The following TWF2 variants were observed in gnomAD, a reference collection of about 807,000 sequenced individuals.
TWF2 encodes twinfilin actin binding protein 2.
A neutral mutation model predicts 45.1 loss-of-function variants in TWF2; 15 were observed. The observed-to-expected ratio is 0.33, with a 90% confidence interval of 0.22 to 0.51. The LOEUF is 0.51. Ranked by LOEUF, TWF2 falls within the 20% of genes least tolerant of loss-of-function variation. The pLI, the probability that TWF2 is intolerant of heterozygous loss-of-function variation, is 0.97. For missense variants in TWF2, 423 were observed against 469.1 expected, an observed-to-expected ratio of 0.90 and a Z score of 0.91; for synonymous variants, 177 against 195.8, an observed-to-expected ratio of 0.90 and a Z score of 0.80.
rs971168655 is a variant in TWF2 at position 52,237,174 on chromosome 3, G to A, written c.25+1818C>T. 1.1e-4 allele frequency among the ~76,000 whole-genome samples: 17 copies of A among 152,208 alleles called. No individual in the cohort carries two copies. In the South Asian group the frequency reaches 2.5e-3, roughly 22 times the overall value. ...GACGGGCCCCTTCTAGTGTTACCAGGGCAAACTGACACCCCCACAGGGAAA... is the reference window on the plus strand; with the variant it reads ...GACGGGCCCCTTCTAGTGTTACCAGAGCAAACTGACACCCCCACAGGGAAA... On this transcript the variant is annotated intron_variant, in intron 1 of 8. Coordinates refer to ENST00000305533, the MANE Select transcript of TWF2 (RefSeq NM_007284.4).
At position 52,230,087 on chromosome 3, in the gene TWF2, GA is replaced by G; in HGVS notation, c.610-18del. 1 of 1,561,690 alleles carries G rather than the reference GA, an allele frequency of 6.4e-7. No homozygotes were observed. Among genetic ancestry groups the G allele is most frequent in the East Asian group, 2.3e-5 (1 of 43,770 alleles). ...GTCCAGCTTCTGCCCAGGGCCAAGGGAAGATGGGAGAGCACCAGGTCGGGGT... is the reference window on the plus strand; with the variant it reads ...GTCCAGCTTCTGCCCAGGGCCAAGGGAGATGGGAGAGCACCAGGTCGGGGT... On this transcript the variant is annotated intron_variant, in intron 6 of 8. Coordinates refer to ENST00000305533, the MANE Select transcript of TWF2 (RefSeq NM_007284.4).
chr3:52,232,157 G>T, intron 2 of TWF2, 35 bp from the exon 3 acceptor site: 1 of 1,488,272 alleles, frequency 6.7e-7, no homozygotes. Context: ...GCCGCTCCCA[G>T]CTCCCACTGC....
At chr3:52,229,350 C>T in intron 8 of TWF2, 149 bp from the exon 9 acceptor site, 1 of 1,233,626 alleles carries the variant, frequency 8.1e-7, no homozygotes, top group Middle Eastern at 2.8e-4. Context: ...CCTGGAATGC[C>T]ACTCCCAGGA....
At chr3:52,238,760 C>T (rs1372424065) in intron 1 of TWF2, among the ~76,000 whole-genome samples, 2 of 152,232 alleles carry the variant, frequency 1.3e-5, no homozygotes, top group Non-Finnish European at 2.9e-5. Context: ...TCCAGGTAGG[C>T]ACACAGATAC....
chr3:52,229,896 G>A, intron 7 of TWF2, 24 bp downstream of exon 7: 2 of 1,599,314 alleles, frequency 1.3e-6, no homozygotes, highest in Non-Finnish European at 1.7e-6. Flanking sequence ...CCACAGGCTT[G>A]GGAGCCCTGC....
At position 52,230,058 on chromosome 3, in the gene TWF2, C is replaced by G; in HGVS notation, c.622G>C (p.Glu208Gln). 1.9e-6 allele frequency: 3 copies of G among 1,592,548 alleles called. No individual in the cohort carries two copies. The highest frequency in any genetic ancestry group is 2.6e-6 in the Non-Finnish European group (3 of 1,171,102). ...TGCACCAGCTCAATGGTTTCCCGCTCTAGGTCCAGCTTCTGCCCAGGGCCA... is the reference window on the plus strand; with the variant it reads ...TGCACCAGCTCAATGGTTTCCCGCTGTAGGTCCAGCTTCTGCCCAGGGCCA... ...VNYIQMKLDL[E>Q]RETIELVHTE... Residue 208 changes from glutamate (E) to glutamine (Q), a missense_variant, in exon 7 of 9, where the codon GAG (glutamate) becomes CAG (glutamine). Coordinates refer to ENST00000305533, the MANE Select transcript of TWF2 (RefSeq NM_007284.4).
chr3:52,236,338 T>C (rs1042936211), intron 1 of TWF2, among the ~76,000 whole-genome samples: 4 of 149,968 alleles, frequency 2.7e-5, no homozygotes, highest in Non-Finnish European at 5.9e-5. Context: ...ATCTTGGTCA[T>C]TGGGCTGTAG....
Position 52,231,428 on chromosome 3 carries a change from C to T in TWF2, c.378+16G>A. The T allele has an allele frequency of 6.2e-7, 1 of 1,612,566 alleles. No homozygotes were observed. On this transcript the variant is annotated intron_variant, in intron 4 of 8. Coordinates refer to ENST00000305533, the MANE Select transcript of TWF2 (RefSeq NM_007284.4). The stretch of plus-strand genomic sequence containing the variant: ...GGCCCAGGATTGTGTCCCGGTAAGT[C>T]CTGGCTTAGGATTACCTTCACAGTC...
intron 1 of TWF2, among the ~76,000 whole-genome samples, chr3:52,237,917 A>AC (rs1440841786): frequency 6.6e-6 from 1 of 152,116 alleles, no homozygotes; most frequent in Non-Finnish European, 1.5e-5. Flanking sequence ...TGATGGCCAA[A>AC]CCCGCCAGGC....
intron 6 of TWF2, among the ~76,000 whole-genome samples, chr3:52,230,656 C>T (rs936226469): frequency 6.6e-6 from 1 of 151,934 alleles, no homozygotes; most frequent in African/African-American, 2.4e-5. Flanking sequence ...GGGACCAGAA[C>T]ACATCTATGT....
At chr3:52,238,509 C>T (rs1225267333) in intron 1 of TWF2, among the ~76,000 whole-genome samples, 1 of 152,216 alleles carries the variant, frequency 6.6e-6, no homozygotes, top group Non-Finnish European at 1.5e-5. Context: ...CACACAGACA[C>T]CCACATACAT....
At chr3:52,231,420 C>T (rs751446863) in intron 4 of TWF2, 24 bp downstream of exon 4, 8 of 1,609,718 alleles carry the variant, frequency 5.0e-6, no homozygotes, top group East Asian at 2.2e-5. Flanking sequence ...GATTGTGTCC[C>T]GGTAAGTCCT....
At chr3:52,235,006 C>T (rs777225765) in intron 2 of TWF2, 23 bp downstream of exon 2, 4 of 1,612,400 alleles carry the variant, frequency 2.5e-6, no homozygotes, top group African/African-American at 1.3e-5. Flanking sequence ...AAGCCTATAC[C>T]CTGGCCTGTG....
chr3:52,238,901 G>T, intron 1 of TWF2, 91 bp downstream of exon 1: 1 of 1,482,638 alleles, frequency 6.7e-7, no homozygotes, highest in Non-Finnish European at 9.0e-7. Context: ...CTCCCGGCTG[G>T]TGTGGGGTGG....
At chr3:52,230,145 A>C in intron 6 of TWF2, 75 bp from the exon 7 acceptor site, 1 of 1,459,660 alleles carries the variant, frequency 6.9e-7, no homozygotes, top group Non-Finnish European at 9.1e-7. Flanking sequence ...GGAAGCCCTC[A>C]AACAGGATTA....
At chr3:52,230,413 C>T (rs766502756) in intron 6 of TWF2, among the ~76,000 whole-genome samples, 6 of 152,318 alleles carry the variant, frequency 3.9e-5, no homozygotes, top group South Asian at 2.1e-4. Flanking sequence ...AGGCCTCTGG[C>T]GGAAGCATCT....
At chr3:52,233,215 G>T (rs1577986503) in intron 2 of TWF2, among the ~76,000 whole-genome samples, 1 of 152,204 alleles carries the variant, frequency 6.6e-6, no homozygotes, top group South Asian at 2.1e-4. Flanking sequence ...CAGCCTGGCT[G>T]GGGGTCCTGG....
At chr3:52,233,695 G>A (rs986378386) in intron 2 of TWF2, among the ~76,000 whole-genome samples, 4 of 152,136 alleles carry the variant, frequency 2.6e-5, no homozygotes, top group African/African-American at 4.8e-5. Flanking sequence ...TTGGGAGGCC[G>A]AGGTGGGCGG....
intron 1 of TWF2, among the ~76,000 whole-genome samples, chr3:52,238,667 C>A (rs2107306858): frequency 6.6e-6 from 1 of 152,308 alleles, no homozygotes; most frequent in Middle Eastern, 3.4e-3. Context: ...GGACTGTACA[C>A]GGAAGACGTG....
Sources: gnomAD v4.1 joint callset for allele counts (sites outside exome capture counted in the v4.1 genomes callset) on GRCh38, gnomAD v4.1.1 for gene constraint, MANE v1.5 for transcripts, NCBI Gene and HGNC (gene_info 2026-07-23, HGNC 2026-07-21) for gene names.